The following ENOX2 variants were observed in gnomAD, a reference collection of about 807,000 sequenced individuals.
ENOX2 encodes the protein ecto-NOX disulfide-thiol exchanger 2.
A neutral mutation model predicts 45.0 loss-of-function variants in ENOX2; 36 were observed. That is an observed-to-expected ratio of 0.80 (90% confidence interval 0.61 to 1.06). The LOEUF (loss-of-function observed/expected upper bound fraction) is 1.06, where lower values mean the gene tolerates loss of function less well. ENOX2 is among the 50% of genes least tolerant of loss of function. The pLI is 0.00. For missense variants in ENOX2, 423 were observed against 462.5 expected, an observed-to-expected ratio of 0.91 and a Z score of 0.78; for synonymous variants, 174 against 152.3, an observed-to-expected ratio of 1.14 and a Z score of -1.05.
intron 2 of ENOX2, among the ~76,000 whole-genome samples, chrX:130,825,387 G>A (rs1334752719): frequency 9.0e-6 from 1 of 111,373 alleles, no homozygotes; most frequent in Non-Finnish European, 1.9e-5. Context: ...CTTCCTCTGG[G>A]TATGAAGGGA....
chrX:130,636,956 TAAAG>T (rs906775369), intron 11 of ENOX2, among the ~76,000 whole-genome samples: 10 of 112,241 alleles, frequency 8.9e-5, no homozygotes, highest in African/African-American at 3.2e-4. Flanking sequence ...TTCTGAAGCA[TAAAG>T]AAAAGATTAG....
intron 3 of ENOX2, among the ~76,000 whole-genome samples, chrX:130,754,714 C>T (rs2039312909): frequency 9.2e-6 from 1 of 108,781 alleles, no homozygotes; most frequent in Admixed American, 9.8e-5. Context: ...AAGATGAGAA[C>T]AATCAACACG....
At chrX:130,741,313 G>A (rs2038977483) in intron 3 of ENOX2, among the ~76,000 whole-genome samples, 1 of 111,065 alleles carries the variant, frequency 9.0e-6, no homozygotes, top group Non-Finnish European at 1.9e-5. Context: ...AAGGAACCAC[G>A]GGAATCAGCT....
intron 12 of ENOX2, among the ~76,000 whole-genome samples, chrX:130,632,364 C>CA (rs751713721): frequency 1.3e-4 from 1 of 7,785 alleles, no homozygotes; most frequent in African/African-American, 3.0e-4. Flanking sequence ...CAGGAAGGGG[C>CA]GGGGGGGGGG....
intron 2 of ENOX2, among the ~76,000 whole-genome samples, chrX:130,854,345 A>T (rs1240494708): frequency 8.9e-6 from 1 of 112,052 alleles, no homozygotes; most frequent in Non-Finnish European, 1.9e-5. Context: ...AACAATAGAA[A>T]TTACCTAATA....
chrX:130,846,337 A>AT (rs772373264), intron 2 of ENOX2, among the ~76,000 whole-genome samples: 1,144 of 99,704 alleles, frequency 0.011, 4 homozygotes, highest in East Asian at 0.037. Context: ...CCATGTGGCA[A>AT]TTTTTTTTTT....
intron 2 of ENOX2, among the ~76,000 whole-genome samples, chrX:130,883,891 A>G (rs1050892719): frequency 8.9e-6 from 1 of 112,369 alleles, no homozygotes; most frequent in Non-Finnish European, 1.9e-5. Flanking sequence ...TAGATGAAAG[A>G]CTTTTTCTTT....
intron 2 of ENOX2, among the ~76,000 whole-genome samples, chrX:130,849,025 T>C (rs2078160649): frequency 8.9e-6 from 1 of 111,820 alleles, no homozygotes; most frequent in South Asian, 3.7e-4. Context: ...CTAGTTAAAA[T>C]GAAACTCGCA....
intron 2 of ENOX2, among the ~76,000 whole-genome samples, chrX:130,861,457 C>G (rs1005279546): frequency 9.0e-6 from 1 of 111,592 alleles, no homozygotes; most frequent in Non-Finnish European, 1.9e-5. Context: ...AAGGGAATCC[C>G]GGCATTTGCA....
chrX:130,852,678 G>A (rs1355068927), intron 2 of ENOX2, among the ~76,000 whole-genome samples: 1 of 111,120 alleles, frequency 9.0e-6, no homozygotes, highest in Non-Finnish European at 1.9e-5. Context: ...AACAGTCATG[G>A]AGTTGAGACA....
At chrX:130,788,520 C>T (rs1014564223) in intron 2 of ENOX2, among the ~76,000 whole-genome samples, 37 of 111,685 alleles carry the variant, frequency 3.3e-4, no homozygotes, top group African/African-American at 1.2e-3. Context: ...AAACTACCAC[C>T]TACTCTATTT....
At chrX:130,866,481 C>A (rs998446823) in intron 2 of ENOX2, among the ~76,000 whole-genome samples, 3 of 111,877 alleles carry the variant, frequency 2.7e-5, no homozygotes, top group African/African-American at 9.7e-5. Context: ...TAATCTCTTG[C>A]TATTCACCAG....
rs183560548 is a variant in ENOX2 at position 130,763,006 on chromosome X, T to C, written c.-39+20541A>G. On this transcript the variant is annotated intron_variant, in intron 3 of 14. Transcript: ENST00000394363. ...TTGTTTCACACATTTTGCAGTACTT[T>C]GGTCCATATGCATTTAGAATTGCTA... Among the ~76,000 whole-genome samples the C allele has an allele frequency of 3.6e-5, 4 of 112,114 alleles. No homozygotes were observed. The East Asian group carries it at 1.1e-3, about 31-fold the overall frequency.
intron 7 of ENOX2, among the ~76,000 whole-genome samples, chrX:130,668,636 A>G (rs1215385511): frequency 1.8e-5 from 2 of 111,804 alleles, no homozygotes; most frequent in African/African-American, 3.2e-5. Context: ...TTGAAGCCCA[A>G]TTCAAGGGCT....
intron 6 of ENOX2, among the ~76,000 whole-genome samples, 161 bp from the exon 7 acceptor site, chrX:130,670,359 C>T (rs143066214): frequency 2.0e-3 from 218 of 111,730 alleles, no homozygotes; most frequent in African/African-American, 6.8e-3. Flanking sequence ...CAAGTGACCA[C>T]ACAACTCCAA....
At chrX:130,671,263 A>G (rs2036983099) in intron 6 of ENOX2, among the ~76,000 whole-genome samples, 1 of 112,444 alleles carries the variant, frequency 8.9e-6, no homozygotes, top group Non-Finnish European at 1.9e-5. Flanking sequence ...AAAAATATGG[A>G]TAAAATATAT....
At chrX:130,801,319 G>A (rs1327599843) in intron 2 of ENOX2, among the ~76,000 whole-genome samples, 1 of 112,081 alleles carries the variant, frequency 8.9e-6, no homozygotes, top group East Asian at 2.8e-4. Context: ...GGAAATTGCA[G>A]CTCAGAGAAG....
At chrX:130,688,816 T>C in intron 5 of ENOX2, 47 bp downstream of exon 5, 1 of 1,001,986 alleles carries the variant, frequency 1.0e-6, no homozygotes, top group Non-Finnish European at 1.4e-6. Context: ...AGCTTTCTTG[T>C]ACACTAAAAT....
At chrX:130,674,321 G>A (rs1043625014) in intron 6 of ENOX2, among the ~76,000 whole-genome samples, 3 of 105,195 alleles carry the variant, frequency 2.9e-5, no homozygotes, top group Admixed American at 1.0e-4. Flanking sequence ...TGAAGACCTA[G>A]CAATAGAAAC....
Sources: allele counts gnomAD v4.1 joint callset (sites outside exome capture counted in the v4.1 genomes callset), GRCh38; gene constraint gnomAD v4.1.1; transcripts MANE v1.5; gene names NCBI Gene and HGNC (gene_info 2026-07-23, HGNC 2026-07-21).